The following TRIOBP variants were observed in gnomAD, a reference collection of about 807,000 sequenced individuals.
TRIOBP encodes TRIO and F-actin-binding protein.
A neutral mutation model predicts 238.8 loss-of-function variants in TRIOBP; 169 were observed. That is an observed-to-expected ratio of 0.71 (90% CI 0.62 to 0.80). The LOEUF (loss-of-function observed/expected upper bound fraction) is 0.80. Ranked by LOEUF, TRIOBP falls within the 30% of genes least tolerant of loss-of-function variation. The pLI, the probability that TRIOBP is intolerant of heterozygous loss-of-function variation, is 0.00. For synonymous variants in TRIOBP, 1,150 were observed against 1,274.4 expected, an observed-to-expected ratio of 0.90 and a Z score of 2.08; for missense variants, 2,838 against 3,122.6, an observed-to-expected ratio of 0.91 and a Z score of 2.17.
chr22:37,759,603 G>A, intron 17 of TRIOBP: 2 of 1,561,104 alleles, frequency 1.3e-6, no homozygotes, highest in South Asian at 2.3e-5. Flanking sequence ...TTGCCCCGGG[G>A]AAGTGGGGGG....
chr22:37,725,256 T>C lies in TRIOBP; in HGVS notation c.2700T>C (p.Thr900=), dbSNP rs1167768762. 1.9e-6 allele frequency: 3 copies of C among 1,613,994 alleles called. No homozygotes were observed. The highest frequency in any genetic ancestry group is 2.5e-6 in the Non-Finnish European group (3 of 1,180,018). The part of the protein sequence containing the change: ...NNPRNSSPHR[T]NKDIPWASFP... ...CCAGGAATTCATCTCCCCATCGTAC[T>C]AACAAAGACATCCCCTGGGCCTCGT... The change falls in exon 7 of 24, where the codon ACT becomes ACC. Residue 900 remains threonine (T), a synonymous_variant. Coordinates refer to ENST00000644935, the MANE Select transcript of TRIOBP (RefSeq NM_001039141.3).
chr22:37,745,508 C>T (rs1395745583), intron 11 of TRIOBP, among the ~76,000 whole-genome samples: 1 of 152,194 alleles, frequency 6.6e-6, no homozygotes, highest in African/African-American at 2.4e-5. Context: ...GCCCAGCGTT[C>T]TGGGAACCTG....
Position 37,715,783 on chromosome 22 carries a change from G to A in TRIOBP, c.477G>A (p.Arg159=). 6.2e-7 allele frequency: 1 copy of A among 1,614,034 alleles called. No homozygotes were observed. The highest frequency in any genetic ancestry group is 1.1e-5 in the South Asian group (1 of 91,080). The change falls in exon 6 of 24, where the codon AGG becomes AGA. Residue 159 remains arginine, a synonymous_variant. Transcript: ENST00000644935. ...GGCAGGACTGGGACACTGTTGAGAG[G>A]CAGGAGGAGGAGGCCCCCAGCTGGG... The part of the protein sequence containing the change: ...SSSVDWDTVE[R]QEEEAPSWDE...
chr22:37,723,193 G>C lies in TRIOBP; in HGVS notation c.637G>C (p.Gly213Arg). The C allele has an allele frequency of 1.2e-6, 2 of 1,613,796 alleles. No homozygotes were observed. Among genetic ancestry groups the C allele is most frequent in the South Asian group, 2.2e-5 (2 of 91,074 alleles). The change falls in exon 7 of 24, where the codon GGT (glycine) becomes CGT (arginine). Residue 213 changes from glycine to arginine, a missense_variant. Coordinates refer to ENST00000644935, the MANE Select transcript of TRIOBP (RefSeq NM_001039141.3). ...CTCTCTTCTCTCTCCAGACACCGGC[G>C]GTGGGGGCCGGAGCGCAGGACAGCA... ...AAGQKKEDTG[G>R]GGRSAGQHWA... is the part of the protein sequence containing the mutation.
rs572886272 is a variant in TRIOBP, at chr22:37,775,927, C to T, written c.*2147C>T. ...CATCAAATCCTCCGGCCTTGTGCTGCCCTGTCTCGGCACTGCTTGCCTTAG... is the reference window on the plus strand; with the variant it reads ...CATCAAATCCTCCGGCCTTGTGCTGTCCTGTCTCGGCACTGCTTGCCTTAG... On this transcript the variant is annotated 3_prime_UTR_variant, in exon 24 of 24. Coordinates refer to ENST00000644935, the MANE Select transcript of TRIOBP (RefSeq NM_001039141.3). The T allele has an allele frequency of 1.3e-5, 2 of 152,390 alleles. No individual in the cohort carries two copies. Among genetic ancestry groups the T allele is most frequent in the Admixed American group, 6.5e-5 (1 of 15,304 alleles). 9.4% of individuals were successfully genotyped at this position (152,390 alleles called of 1,614,324 possible). A position where few individuals can be genotyped will look rare whatever the true frequency, so the allele number is the denominator to read the frequency against.
At chr22:37,746,799 A>G (rs1925303718) in intron 11 of TRIOBP, among the ~76,000 whole-genome samples, 1 of 152,172 alleles carries the variant, frequency 6.6e-6, no homozygotes, top group Non-Finnish European at 1.5e-5. Context: ...CAGGGGCCCC[A>G]GGGAGGAGCG....
intron 7 of TRIOBP, among the ~76,000 whole-genome samples, chr22:37,730,572 A>G (rs1924373899): frequency 1.3e-5 from 2 of 152,076 alleles, no homozygotes; most frequent in African/African-American, 4.8e-5. Flanking sequence ...CGAAGCTCCT[A>G]TACCCCAGTT....
Position 37,713,416 on chromosome 22 carries a change from G to T in TRIOBP, c.456+5G>T, listed in dbSNP as rs367773121. The T allele has an allele frequency of 6.2e-7, 1 of 1,612,098 alleles. No individual in the cohort carries two copies. Among genetic ancestry groups the T allele is most frequent in the African/African-American group, 1.3e-5 (1 of 75,042 alleles). ...ACCAGCAACTCGTCCTCTGTGGTGA[G>T]CCAGGAGTGGGAGTTTGGGGGACAA... On this transcript the variant is annotated splice_donor_5th_base_variant and intron_variant, in intron 5 of 23. Coordinates refer to ENST00000644935, the MANE Select transcript of TRIOBP (RefSeq NM_001039141.3).
intron 2 of TRIOBP, among the ~76,000 whole-genome samples, chr22:37,700,221 G>T (rs1922573584): frequency 6.6e-6 from 1 of 151,758 alleles, no homozygotes; most frequent in African/African-American, 2.4e-5. Context: ...TCAGTCTCTT[G>T]GAGATTCTAA....
intron 6 of TRIOBP, among the ~76,000 whole-genome samples, chr22:37,716,588 C>T (rs995979267): frequency 1.3e-5 from 2 of 152,204 alleles, no homozygotes; most frequent in African/African-American, 4.8e-5. Flanking sequence ...CGCCACCACA[C>T]GTGGCTAATT....
intron 6 of TRIOBP, among the ~76,000 whole-genome samples, chr22:37,720,943 C>T (rs1445143184): frequency 6.6e-6 from 1 of 152,154 alleles, no homozygotes; most frequent in African/African-American, 2.4e-5. Flanking sequence ...CTGCAACCTC[C>T]ACCTCCCGGG....
At chr22:37,698,164 C>G (rs1159125140) in intron 2 of TRIOBP, among the ~76,000 whole-genome samples, 1 of 139,116 alleles carries the variant, frequency 7.2e-6, no homozygotes, top group East Asian at 2.3e-4. Flanking sequence ...CGCGCCACTG[C>G]ACTCCAGCCT....
intron 9 of TRIOBP, 122 bp from the exon 10 acceptor site, chr22:37,738,520 C>A (rs1924788571): frequency 1.1e-6 from 1 of 899,590 alleles, no homozygotes; most frequent in Non-Finnish European, 1.8e-6. Flanking sequence ...CATGGATCTA[C>A]TGATGCTGGA....
chr22:37,726,321 A>C lies in TRIOBP; in HGVS notation c.3765A>C (p.Ser1255=), dbSNP rs1413114332. The C allele has an allele frequency of 2.5e-6, 4 of 1,612,364 alleles. No individual in the cohort carries two copies. Among genetic ancestry groups the C allele is most frequent in the Admixed American group, 1.7e-5 (1 of 59,946 alleles). ...GCAGCTCTGGGGGCTCCCGGGGCTC[A>C]GCGCCTCCCGGGGAGACCAGGCACA... is the stretch of plus-strand genomic sequence containing the variant. ...SPGSSGGSRG[S]APPGETRHNL... The change falls in exon 7 of 24, where the codon TCA becomes TCC. Residue 1255 remains serine, a synonymous_variant. Coordinates refer to ENST00000644935, the MANE Select transcript of TRIOBP (RefSeq NM_001039141.3).
At chr22:37,723,127 AAT>A in intron 6 of TRIOBP, 56 bp from the exon 7 acceptor site, 1 of 1,579,332 alleles carries the variant, frequency 6.3e-7, no homozygotes. Flanking sequence ...AGAAAGGTAG[AAT>A]ATGAGAGCTG....
At chr22:37,701,614 C>A in intron 3 of TRIOBP, 135 bp downstream of exon 3, 1 of 678,500 alleles carries the variant, frequency 1.5e-6, no homozygotes, top group Non-Finnish European at 2.7e-6. Flanking sequence ...GGTTTTCCCA[C>A]ATTGCAGGGA....
chr22:37,771,488 G>A, intron 21 of TRIOBP, 162 bp from the exon 22 acceptor site: 1 of 650,464 alleles, frequency 1.5e-6, no homozygotes. Flanking sequence ...GAATCGGAGA[G>A]GGCTTCCTGG....
chr22:37,741,121 G>C lies in TRIOBP; in HGVS notation c.5322+89G>C, dbSNP rs940627428. ...AGGGGGCTGTTAAGCAAAGGAGAGA[G>C]AGTGGGGGCTGAGGAGGAGGCACCT... On this transcript the variant is annotated intron_variant, in intron 11 of 23. Transcript: ENST00000644935. 5 of 1,509,406 alleles carry C rather than the reference G, an allele frequency of 3.3e-6. No individual in the cohort carries two copies. The African/African-American group carries it at 6.9e-5, about 21-fold the overall frequency. The allele number at this position is 1,509,406 out of a possible 1,614,324, so 93.5% of individuals were successfully genotyped here.
chr22:37,762,349 ACC>A (rs1926287196), intron 17 of TRIOBP, among the ~76,000 whole-genome samples: 2 of 152,172 alleles, frequency 1.3e-5, no homozygotes, highest in Non-Finnish European at 2.9e-5. Flanking sequence ...TACAAGTGTG[ACC>A]ACTGCACTGG....
Sources: gnomAD v4.1 joint callset for allele counts (sites outside exome capture counted in the v4.1 genomes callset) on GRCh38, gnomAD v4.1.1 for gene constraint, MANE v1.5 for transcripts, NCBI Gene and HGNC (gene_info 2026-07-23, HGNC 2026-07-21) for gene names.